The following TRIM49B variants were observed in gnomAD, a reference collection of about 807,000 sequenced individuals.
TRIM49B encodes putative tripartite motif-containing protein 49B.
TRIM49B carries 18 observed loss-of-function variants against 31.8 expected under a neutral mutation model. The observed-to-expected ratio is 0.57, with a 90% CI of 0.39 to 0.84. The LOEUF (loss-of-function observed/expected upper bound fraction) is 0.84. Among genes scored for constraint, TRIM49B ranks in the 40% least tolerant of loss-of-function variants. The probability of loss-of-function intolerance (pLI) is 0.00; values close to 1 mark genes in which losing one functional copy is unlikely to be tolerated. For missense variants in TRIM49B, 494 were observed against 538.7 expected (o/e 0.92, Z 0.82); for synonymous variants, 196 against 180.6 (o/e 1.09, Z -0.68).
At chr11:49,030,750 G>T (rs1311375070) in intron 1 of TRIM49B, among the ~76,000 whole-genome samples, 1 of 152,074 alleles carries the variant, frequency 6.6e-6, no homozygotes, top group Admixed American at 6.5e-5. Context: ...AGTTCCCTAG[G>T]TATTGGTTAA....
rs770336793 is a variant in TRIM49B at position 49,037,524 on chromosome 11, A to G, written c.906A>G (p.Leu302=). The G allele has an allele frequency of 3.1e-5, 50 of 1,614,046 alleles. No homozygotes were observed. The highest frequency in any genetic ancestry group is 1.7e-5 in the Non-Finnish European group (20 of 1,180,044). The part of the protein sequence containing the change: ...HHEEANSDIF[L]CEILRSMCIG... ...AAGAAGCCAACAGTGATATCTTTCT[A>G]TGTGAAATTTTGAGAAGCATGTGTA... The change falls in exon 7 of 7, where the codon CTA becomes CTG. Residue 302 remains leucine, a synonymous_variant. Coordinates refer to ENST00000332682, the MANE Select transcript of TRIM49B (RefSeq NM_001206626.2).
intron 1 of TRIM49B, among the ~76,000 whole-genome samples, chr11:49,030,032 T>C (rs1854425796): frequency 6.6e-6 from 1 of 152,160 alleles, no homozygotes. Context: ...TTCTATCATA[T>C]TAAAACAATA....
Position 49,037,951 on chromosome 11 carries a change from C to A in TRIM49B, c.1333C>A (p.Pro445Thr). 6 of 1,612,208 alleles carry A rather than the reference C, an allele frequency of 3.7e-6. No individual in the cohort carries two copies. The highest frequency in any genetic ancestry group is 5.1e-6 in the Non-Finnish European group (6 of 1,179,306). ...PNCSFSPPLR[P>T]IFCCIHF is the part of the protein sequence containing the mutation. Reference sequence around the variant, plus strand: ...TTGCTCTTTCTCACCTCCTCTCAGGCCTATCTTTTGCTGTATTCACTTCTG... The same window carrying A: ...TTGCTCTTTCTCACCTCCTCTCAGGACTATCTTTTGCTGTATTCACTTCTG... Residue 445 changes from proline (P) to threonine (T), a missense_variant, in exon 7 of 7, where the codon CCT becomes ACT. This residue lies in a region of TRIM49B where 233 missense variants were observed against 281.4 expected (regional missense o/e 0.83). Coordinates refer to ENST00000332682, the MANE Select transcript of TRIM49B (RefSeq NM_001206626.2).
intron 4 of TRIM49B, among the ~76,000 whole-genome samples, chr11:49,034,736 G>A (rs1854498262): frequency 6.6e-6 from 1 of 152,084 alleles, no homozygotes; most frequent in Non-Finnish European, 1.5e-5. Context: ...AGAAGTTTTG[G>A]GAATCTAGGT....
At chr11:49,029,142 C>T (rs1854416972) in intron 1 of TRIM49B, among the ~76,000 whole-genome samples, 167 bp downstream of exon 1, 1 of 145,342 alleles carries the variant, frequency 6.9e-6, no homozygotes, top group South Asian at 2.1e-4. Context: ...TTATTTTGTG[C>T]TTTCTATGAT....
intron 1 of TRIM49B, 132 bp from the exon 2 acceptor site, chr11:49,031,464 A>G: frequency 1.3e-6 from 2 of 1,481,954 alleles, no homozygotes; most frequent in Non-Finnish European, 1.8e-6. Flanking sequence ...AGTTTGTAAC[A>G]GAAGAAATAG....
intron 3 of TRIM49B, among the ~76,000 whole-genome samples, chr11:49,033,411 G>A (rs1393194116): frequency 2.6e-5 from 4 of 151,944 alleles, no homozygotes; most frequent in African/African-American, 9.7e-5. Context: ...TGTGTGTGTG[G>A]ATATATATGT....
intron 3 of TRIM49B, among the ~76,000 whole-genome samples, chr11:49,032,974 T>C (rs889345561): frequency 1.3e-5 from 2 of 152,172 alleles, no homozygotes; most frequent in Non-Finnish European, 2.9e-5. Flanking sequence ...AACTAGTATC[T>C]AAATATAAGG....
At chr11:49,036,865 G>C (rs1387987715) in intron 6 of TRIM49B, among the ~76,000 whole-genome samples, 2 of 151,992 alleles carry the variant, frequency 1.3e-5, no homozygotes, top group East Asian at 3.8e-4. Flanking sequence ...GAATTAATAG[G>C]TAAAGCTAAA....
intron 6 of TRIM49B, among the ~76,000 whole-genome samples, chr11:49,037,209 G>T: frequency 6.6e-6 from 1 of 152,106 alleles, no homozygotes; most frequent in East Asian, 1.9e-4. Flanking sequence ...TACATTTAGG[G>T]CATACAATGT....
intron 5 of TRIM49B, among the ~76,000 whole-genome samples, 170 bp from the exon 6 acceptor site, chr11:49,036,131 C>G (rs928439106): frequency 2.0e-5 from 3 of 151,856 alleles, no homozygotes; most frequent in Non-Finnish European, 2.9e-5. Flanking sequence ...TTCCATCATG[C>G]TTAAAAATTT....
intron 5 of TRIM49B, 136 bp from the exon 6 acceptor site, chr11:49,036,165 C>T (rs1167612486): frequency 2.0e-6 from 3 of 1,498,196 alleles, no homozygotes; most frequent in Non-Finnish European, 2.7e-6. Context: ...AATTAATTTG[C>T]AAAAGGAAGG....
intron 4 of TRIM49B, among the ~76,000 whole-genome samples, chr11:49,034,811 A>G (rs192581560): frequency 0.024 from 3,658 of 152,234 alleles, 152 homozygotes; most frequent in African/African-American, 0.084. Flanking sequence ...ATGACTGAGT[A>G]GGTTTTTCGT....
rs779501713 is a variant in TRIM49B, at chr11:49,034,169, A to C, written c.531A>C (p.Glu177Asp). 1.5e-5 allele frequency: 24 copies of C among 1,611,826 alleles called. No homozygotes were observed. The highest frequency in any genetic ancestry group is 2.0e-5 in the Non-Finnish European group (24 of 1,179,812). Residue 177 changes from glutamate to aspartate, a missense_variant, in exon 4 of 7, where the codon GAA becomes GAC. By Grantham distance (45) the Glu-to-Asp change is conservative (BLOSUM62 2). Around this residue, in one of 3 missense-constraint regions of TRIM49B, gnomAD observed 251 missense variants for 232.8 expected, o/e 1.08. Transcript: ENST00000332682. ...AGGATTATGTGAATTTAAGGCTAGA[A>C]GCAATTAGAGCTGAGTATCAGAAGA... ...CWKDYVNLRL[E>D]AIRAEYQKMP...
rs1285729814 is a variant in TRIM49B, at chr11:49,031,764, C to T, written c.165C>T (p.Cys55=). 1.9e-6 allele frequency: 3 copies of T among 1,613,960 alleles called. No individual in the cohort carries two copies. The highest frequency in any genetic ancestry group is 3.3e-5 in the Admixed American group (2 of 60,020). The change falls in exon 2 of 7, where the codon TGC becomes TGT. Residue 55 remains cysteine (C), a synonymous_variant. Transcript: ENST00000332682. ...DSPFLVQCSE[C]TKSTGQINLK... ...CATTTCTTGTCCAGTGCTCTGAATG[C>T]ACAAAGTCAACAGGGCAGATAAACC...
intron 5 of TRIM49B, among the ~76,000 whole-genome samples, chr11:49,035,536 T>G (rs1167084248): frequency 1.3e-5 from 2 of 151,852 alleles, no homozygotes; most frequent in African/African-American, 4.8e-5. Context: ...ATTTTTTGTA[T>G]TTTTAGTAGA....
intron 4 of TRIM49B, 117 bp from the exon 5 acceptor site, chr11:49,034,978 A>G: frequency 1.3e-6 from 2 of 1,526,788 alleles, no homozygotes; most frequent in Non-Finnish European, 1.8e-6. Context: ...ACTTTCCAGA[A>G]GAGAAGATGG....
At chr11:49,030,502 G>T (rs1310002490) in intron 1 of TRIM49B, among the ~76,000 whole-genome samples, 2 of 152,130 alleles carry the variant, frequency 1.3e-5, no homozygotes, top group Non-Finnish European at 2.9e-5. Context: ...CTCTAAGCTG[G>T]TGTCCTGAGA....
Position 49,035,492 on chromosome 11 carries a change from G to A in TRIM49B, c.761+375G>A, listed in dbSNP as rs28570188. On this transcript the variant is annotated intron_variant, in intron 5 of 6. Coordinates refer to ENST00000332682, the MANE Select transcript of TRIM49B (RefSeq NM_001206626.2). ...CCCCTGCCTCAGCCTCCCGAGTACC[G>A]GGGACTACAGGCGCCCGCCACCACA... 6.0e-5 allele frequency among the ~76,000 whole-genome samples: 9 copies of A among 150,998 alleles called. No homozygotes were observed. The East Asian group carries it at 1.4e-3, about 23-fold the overall frequency.
Sources: gnomAD v4.1 joint callset for allele counts (sites outside exome capture counted in the v4.1 genomes callset) on GRCh38, gnomAD v4.1.1 for gene constraint, gnomAD v4.1.1 regional missense constraint, MANE v1.5 for transcripts, NCBI Gene and HGNC (gene_info 2026-07-23, HGNC 2026-07-21) for gene names.